Variants in PHF2 observed in about 807,000 individuals in gnomAD.
The protein encoded by PHF2 is lysine-specific demethylase PHF2.
In PHF2, 27 loss-of-function variants were observed where a neutral mutation model predicts 120.5. That is an observed-to-expected ratio of 0.22 (90% confidence interval 0.17 to 0.31). PHF2 has a LOEUF of 0.31. PHF2 is among the 10% of genes least tolerant of loss of function. The pLI is 1.00. For missense variants in PHF2, 1,024 were observed against 1,434.8 expected (o/e 0.71, Z 4.63); for synonymous variants, 568 against 592.5 (o/e 0.96, Z 0.60).
chr9:93,588,637 A>T (rs1863108048), intron 1 of PHF2, among the ~76,000 whole-genome samples: 1 of 152,178 alleles, frequency 6.6e-6, no homozygotes, highest in Non-Finnish European at 1.5e-5. Context: ...CACACCTGTA[A>T]TCCCAGCACT....
intron 1 of PHF2, among the ~76,000 whole-genome samples, chr9:93,625,017 T>C (rs1161794249): frequency 2.0e-5 from 3 of 152,210 alleles, no homozygotes; most frequent in Non-Finnish European, 4.4e-5. Flanking sequence ...AATGAACAAT[T>C]CAGTGGTACT....
intron 1 of PHF2, among the ~76,000 whole-genome samples, chr9:93,618,011 A>G (rs1487456667): frequency 2.0e-5 from 3 of 152,232 alleles, no homozygotes; most frequent in African/African-American, 7.2e-5. Flanking sequence ...CTTCAGTCCA[A>G]TCAAGTTGAC....
intron 3 of PHF2, among the ~76,000 whole-genome samples, chr9:93,644,589 C>T (rs902025785): frequency 6.6e-6 from 1 of 152,092 alleles, no homozygotes; most frequent in African/African-American, 2.4e-5. Flanking sequence ...GTGCTCTTTC[C>T]CCTGTTCCCT....
intron 3 of PHF2, among the ~76,000 whole-genome samples, chr9:93,643,025 C>T (rs920563825): frequency 6.6e-6 from 1 of 151,772 alleles, no homozygotes; most frequent in Non-Finnish European, 1.5e-5. Flanking sequence ...TATTTATTTT[C>T]AAATCTCTTT....
intron 3 of PHF2, among the ~76,000 whole-genome samples, chr9:93,639,221 A>C (rs1055642034): frequency 6.6e-6 from 1 of 152,132 alleles, no homozygotes; most frequent in South Asian, 2.1e-4. Flanking sequence ...TTACTTTTCC[A>C]TTTATTTTGA....
chr9:93,677,694 T>TC lies in PHF2; in HGVS notation c.*20dup, dbSNP rs1286954622. 1.3e-6 allele frequency: 2 copies of TC among 1,595,480 alleles called. No individual in the cohort carries two copies. Among genetic ancestry groups the TC allele is most frequent in the Non-Finnish European group, 1.7e-6 (2 of 1,163,658 alleles). ...TCCTTTAAGATTTGGAAAGCCAGGA[T>TC]CCTTCTGCTCCGCTCAGGACCCCCG... On this transcript the variant is annotated 3_prime_UTR_variant, in exon 22 of 22. Coordinates refer to ENST00000359246, the MANE Select transcript of PHF2 (RefSeq NM_005392.4). This position sits in a 1 kb window ranked among gnomAD's most constrained non-coding sequence, Gnocchi z 4.4.
chr9:93,658,253 A>C lies in PHF2; in HGVS notation c.1239+17A>C. ...AAGAAGCAGGTAGGAATCATGTCACAAATGCCCTAGGGCAGGAGAGCAGTG... is the reference window on the plus strand; with the variant it reads ...AAGAAGCAGGTAGGAATCATGTCACCAATGCCCTAGGGCAGGAGAGCAGTG... On this transcript the variant is annotated intron_variant, in intron 10 of 21. Coordinates refer to ENST00000359246, the MANE Select transcript of PHF2 (RefSeq NM_005392.4). 1 of 1,596,872 alleles carries C rather than the reference A, an allele frequency of 6.3e-7. No homozygotes were observed. Among genetic ancestry groups the C allele is most frequent in the Non-Finnish European group, 8.6e-7 (1 of 1,168,242 alleles).
intron 5 of PHF2, among the ~76,000 whole-genome samples, chr9:93,651,179 G>A (rs751859742): frequency 6.6e-6 from 1 of 152,048 alleles, no homozygotes; most frequent in Non-Finnish European, 1.5e-5. Flanking sequence ...AATGGAGTGG[G>A]TTATGGTACC....
At chr9:93,604,518 G>A (rs1483058215) in intron 1 of PHF2, among the ~76,000 whole-genome samples, 2 of 150,624 alleles carry the variant, frequency 1.3e-5, no homozygotes, top group Admixed American at 1.3e-4. Flanking sequence ...AGGCTGGAGT[G>A]CAGTGGCGCG....
At chr9:93,581,349 G>A (rs561911371) in intron 1 of PHF2, among the ~76,000 whole-genome samples, 34 of 152,304 alleles carry the variant, frequency 2.2e-4, no homozygotes, top group Admixed American at 1.8e-3. Flanking sequence ...AGGTCCTGCC[G>A]TGGGTCAAAT....
intron 1 of PHF2, among the ~76,000 whole-genome samples, chr9:93,598,885 C>G (rs1349349932): frequency 2.0e-5 from 3 of 152,160 alleles, no homozygotes; most frequent in African/African-American, 7.2e-5. Flanking sequence ...CCCGTAAGCC[C>G]CTCCCTTCCT....
At chr9:93,608,291 C>T (rs907729857) in intron 1 of PHF2, among the ~76,000 whole-genome samples, 6 of 151,446 alleles carry the variant, frequency 4.0e-5, no homozygotes, top group African/African-American at 1.5e-4. Context: ...CCACTGTACT[C>T]TAGCCTGGGC....
chr9:93,660,277 C>A lies in PHF2; in HGVS notation c.1415C>A (p.Pro472His). The A allele has an allele frequency of 6.2e-7, 1 of 1,610,604 alleles. No individual in the cohort carries two copies. Among genetic ancestry groups the A allele is most frequent in the Non-Finnish European group, 8.5e-7 (1 of 1,178,914 alleles). ...VCDGDREKEE[P>H]PSPIEATPPQ... ...GACGGGGACCGGGAGAAGGAGGAGC[C>A]CCCGTCTCCCATTGAGGCCACCCCG... Residue 472 changes from proline to histidine, a missense_variant, in exon 12 of 22, where the codon CCC becomes CAC. This residue lies in a region of PHF2 where 677 missense variants were observed against 857.4 expected (regional missense o/e 0.79). Coordinates refer to ENST00000359246, the MANE Select transcript of PHF2 (RefSeq NM_005392.4).
chr9:93,638,741 C>T (rs1004769310), intron 3 of PHF2, among the ~76,000 whole-genome samples: 31 of 152,118 alleles, frequency 2.0e-4, no homozygotes, highest in African/African-American at 3.6e-4. Context: ...TTTTTTGAGA[C>T]GGAGTCTCAC....
intron 17 of PHF2, among the ~76,000 whole-genome samples, 159 bp from the exon 18 acceptor site, chr9:93,673,426 G>T (rs575924733): frequency 6.6e-6 from 1 of 152,204 alleles, no homozygotes; most frequent in Non-Finnish European, 1.5e-5. Flanking sequence ...CAAGGGAGAA[G>T]TCATCAGCTC....
intron 1 of PHF2, among the ~76,000 whole-genome samples, chr9:93,599,041 A>C (rs559113203): frequency 6.6e-6 from 1 of 152,306 alleles, no homozygotes; most frequent in South Asian, 2.1e-4. Context: ...GTTGCTCAGC[A>C]GCCTGTTTCT....
chr9:93,579,205 A>G (rs898490965), intron 1 of PHF2, among the ~76,000 whole-genome samples: 3 of 152,146 alleles, frequency 2.0e-5, no homozygotes, highest in Non-Finnish European at 4.4e-5. Context: ...CTCCACCTCC[A>G]GATAGTCTTG....
intron 1 of PHF2, among the ~76,000 whole-genome samples, chr9:93,618,170 G>A (rs1336316565): frequency 6.6e-6 from 1 of 152,254 alleles, no homozygotes; most frequent in African/African-American, 2.4e-5. Flanking sequence ...TGGGGTCACA[G>A]TTGGCTCAGA....
chr9:93,649,996 G>A (rs531645198), intron 5 of PHF2, among the ~76,000 whole-genome samples: 1 of 149,882 alleles, frequency 6.7e-6, no homozygotes, highest in East Asian at 2.0e-4. Flanking sequence ...TCACCAACAC[G>A]TGGTACACTC....
Sources: gnomAD v4.1 joint callset for allele counts (sites outside exome capture counted in the v4.1 genomes callset) on GRCh38, gnomAD v4.1.1 for gene constraint, gnomAD v4.1.1 regional missense constraint, Gnocchi (gnomAD v3.1) non-coding constraint, MANE v1.5 for transcripts, NCBI Gene and HGNC (gene_info 2026-07-23, HGNC 2026-07-21) for gene names.